MYH4: variants seen among roughly 807,000 people sequenced by gnomAD.
The protein encoded by MYH4 is myosin heavy chain 4.
A neutral mutation model predicts 229.9 loss-of-function variants in MYH4; 200 were observed. That is an observed-to-expected ratio of 0.87 (90% confidence interval 0.78 to 0.98). The LOEUF (loss-of-function observed/expected upper bound fraction) is 0.98. MYH4 is among the 50% of genes least tolerant of loss of function. The pLI is 0.00. For missense variants in MYH4, 2,148 were observed against 2,332.6 expected (o/e 0.92, Z 1.63); for synonymous variants, 761 against 834.6 (o/e 0.91, Z 1.52).
chr17:10,465,462 G>A lies in MYH4; in HGVS notation c.485C>T (p.Ala162Val). 1.9e-6 allele frequency: 3 copies of A among 1,613,968 alleles called. No homozygotes were observed. Among genetic ancestry groups the A allele is most frequent in the Non-Finnish European group, 2.5e-6 (3 of 1,180,018 alleles). The change falls in exon 5 of 40, where the codon GCC (alanine) becomes GTC (valine). Residue 162 changes from alanine (A) to valine (V), a missense_variant. Physicochemically the swap from Ala to Val is moderately conservative, Grantham distance 64 (BLOSUM62 0). Transcript: ENST00000255381. ...CTCACCAGTTAGCATGAACTGATAG[G>A]CATTGTCAGAGATGGAGAAGATATG... ...PPHIFSISDN[A>V]YQFMLTDREN...
chr17:10,459,805 A>T, intron 14 of MYH4, 147 bp downstream of exon 14: 1 of 1,445,068 alleles, frequency 6.9e-7, no homozygotes, highest in Non-Finnish European at 9.4e-7. Flanking sequence ...TCCTATTTAT[A>T]CCTATTTACT....
chr17:10,449,566 T>A (rs74760024), intron 30 of MYH4, among the ~76,000 whole-genome samples: 98 of 152,316 alleles, frequency 6.4e-4, no homozygotes, highest in African/African-American at 2.2e-3. Context: ...CAAGGAATGG[T>A]AGCATTGAGT....
chr17:10,446,662 G>T (rs2072515161), intron 35 of MYH4, among the ~76,000 whole-genome samples: 1 of 152,092 alleles, frequency 6.6e-6, no homozygotes, highest in Admixed American at 6.6e-5. Context: ...ATTATTTAGT[G>T]GCTTTTTGTT....
At chr17:10,448,821 A>G (rs1330299026) in intron 31 of MYH4, 38 bp from the exon 32 acceptor site, 1 of 1,612,860 alleles carries the variant, frequency 6.2e-7, no homozygotes, top group Admixed American at 1.7e-5. Flanking sequence ...GAAACCAAGA[A>G]TGATGTCAGT....
intron 19 of MYH4, 54 bp downstream of exon 19, chr17:10,455,560 T>C (rs2072629499): frequency 1.3e-6 from 2 of 1,594,494 alleles, no homozygotes; most frequent in Admixed American, 1.7e-5. Flanking sequence ...TGGAATTATA[T>C]AGTGATTTTG....
chr17:10,455,007 GT>G lies in MYH4; in HGVS notation c.2368del (p.Thr790ArgfsTer11), dbSNP rs1567702240. The G allele has an allele frequency of 1.2e-6, 2 of 1,614,040 alleles. No homozygotes were observed. The highest frequency in any genetic ancestry group is 1.7e-5 in the Admixed American group (1 of 60,006). The part of the protein sequence containing the change: ...MRDEKLAQLI[T>X]RTQAICRGFL... ...CCCTCTGCATATGGCTTGAGTGCGCGTGATGAGTTGAGCTAGCTTTTCATCT... is the reference window on the plus strand; with the variant it reads ...CCCTCTGCATATGGCTTGAGTGCGCGGATGAGTTGAGCTAGCTTTTCATCT... On this transcript the variant is annotated frameshift_variant, in exon 21 of 40. Coordinates refer to ENST00000255381, the MANE Select transcript of MYH4 (RefSeq NM_017533.2). LOFTEE classifies it high-confidence loss of function.
Position 10,463,410 on chromosome 17 carries a change from A to G in MYH4, c.742-9T>C. On this transcript the variant is annotated splice_polypyrimidine_tract_variant and intron_variant, in intron 8 of 39. Coordinates refer to ENST00000255381, the MANE Select transcript of MYH4 (RefSeq NM_017533.2). ...ATCCTGATGAATTTACCCTTAAAAAAGAAAAGGAGGGATTATTATACACAT... is the reference window on the plus strand; with the variant it reads ...ATCCTGATGAATTTACCCTTAAAAAGGAAAAGGAGGGATTATTATACACAT... 6.2e-7 allele frequency: 1 copy of G among 1,611,158 alleles called. No individual in the cohort carries two copies. Among genetic ancestry groups the G allele is most frequent in the Non-Finnish European group, 8.5e-7 (1 of 1,178,614 alleles).
chr17:10,464,713 A>C lies in MYH4; in HGVS notation c.506-5T>G. ...AGATTGACTGGTTTTCACGATCTGT[A>C]AAAGAGAAGCCAAAGATAATATTTA... is the stretch of plus-strand genomic sequence containing the variant. On this transcript the variant is annotated splice_polypyrimidine_tract_variant and splice_region_variant and intron_variant, in intron 5 of 39. Coordinates refer to ENST00000255381, the MANE Select transcript of MYH4 (RefSeq NM_017533.2). The C allele has an allele frequency of 1.9e-6, 3 of 1,612,866 alleles. No homozygotes were observed. Among genetic ancestry groups the C allele is most frequent in the Non-Finnish European group, 2.5e-6 (3 of 1,179,026 alleles).
chr17:10,451,352 T>G lies in MYH4; in HGVS notation c.3839A>C (p.Gln1280Pro). 6.2e-7 allele frequency: 1 copy of G among 1,614,098 alleles called. No individual in the cohort carries two copies. Among genetic ancestry groups the G allele is most frequent in the Non-Finnish European group, 8.5e-7 (1 of 1,179,996 alleles). Residue 1280 changes from glutamine (Q) to proline (P), a missense_variant, in exon 28 of 40, where the codon CAG (glutamine) becomes CCG (proline). Transcript: ENST00000255381. Reference sequence around the variant, plus strand: ...TGATTCTGTGTGTAAACGTGCCTTCTGGGCTGACAACTCATTTATTAAGCG... The same window carrying G: ...TGATTCTGTGTGTAAACGTGCCTTCGGGGCTGACAACTCATTTATTAAGCG... ...QQRLINELSA[Q>P]KARLHTESGE...
chr17:10,456,013 CA>C, intron 17 of MYH4, 112 bp from the exon 18 acceptor site: 1 of 1,311,084 alleles, frequency 7.6e-7, no homozygotes, highest in Middle Eastern at 1.9e-4. Context: ...CAAGGAAAAA[CA>C]AATTATCATA....
chr17:10,459,441 T>C lies in MYH4; in HGVS notation c.1417-20A>G, dbSNP rs2072677310. The C allele has an allele frequency of 6.2e-7, 1 of 1,614,054 alleles. No individual in the cohort carries two copies. The highest frequency in any genetic ancestry group is 1.7e-5 in the Admixed American group (1 of 59,996). The stretch of plus-strand genomic sequence containing the variant: ...GTTGAACTACAGAACAAGATAAATA[T>C]AGGAAATTACGCATAACAAGTATTC... On this transcript the variant is annotated intron_variant, in intron 14 of 39. Coordinates refer to ENST00000255381, the MANE Select transcript of MYH4 (RefSeq NM_017533.2).
chr17:10,448,244 G>T, intron 33 of MYH4, 118 bp from the exon 34 acceptor site: 1 of 1,279,996 alleles, frequency 7.8e-7, no homozygotes. Flanking sequence ...TCTTAATGTA[G>T]CCTATTAGCT....
At chr17:10,451,055 T>G (rs2072567237) in intron 28 of MYH4, among the ~76,000 whole-genome samples, 160 bp from the exon 29 acceptor site, 1 of 152,218 alleles carries the variant, frequency 6.6e-6, no homozygotes, top group Admixed American at 6.5e-5. Context: ...TTAAAAAATG[T>G]ATGAGTTTTC....
In MYH4 at chr17:10,457,534, C is replaced by A. The variant is rs571679462; in HGVS notation, c.1783G>T (p.Gly595Cys). The A allele has an allele frequency of 3.1e-6, 5 of 1,614,156 alleles. No individual in the cohort carries two copies. Among genetic ancestry groups the A allele is most frequent in the Non-Finnish European group, 4.2e-6 (5 of 1,180,030 alleles). Residue 595 changes from glycine (G) to cysteine (C), a missense_variant, in exon 16 of 40, where the codon GGC (glycine) becomes TGC (cysteine). Gly to Cys is a radical substitution (Grantham distance 159). Coordinates refer to ENST00000255381, the MANE Select transcript of MYH4 (RefSeq NM_017533.2). ...GGGTCCTTGTTTTTGTCCAGCCAGC[C>A]GGCGATGTTGTAGTCCACGGTGCCG... is the stretch of plus-strand genomic sequence containing the variant. ...YAGTVDYNIA[G>C]WLDKNKDPLN...
At chr17:10,460,148 G>A (rs867409409) in intron 13 of MYH4, 47 bp from the exon 14 acceptor site, 1 of 1,613,350 alleles carries the variant, frequency 6.2e-7, no homozygotes, top group South Asian at 1.1e-5. Context: ...AAACAGTGAT[G>A]AACTCCTGAG....
At chr17:10,444,572 G>A (rs1419992584) in intron 39 of MYH4, 32 bp downstream of exon 39, 3 of 1,580,392 alleles carry the variant, frequency 1.9e-6, no homozygotes, top group South Asian at 1.1e-5. Flanking sequence ...ATGTGCATCT[G>A]AACCTTTCAT....
At position 10,443,820 on chromosome 17, in the gene MYH4, G is replaced by A. The variant is rs1194228041; in HGVS notation, c.5668-293C>T. 6.6e-6 allele frequency among the ~76,000 whole-genome samples: 1 copy of A among 152,064 alleles called. No homozygotes were observed. Among genetic ancestry groups the A allele is most frequent in the East Asian group, 1.9e-4 (1 of 5,178 alleles). On this transcript the variant is annotated intron_variant, in intron 39 of 39. Transcript: ENST00000255381. The surrounding 1 kb of genome is among the most constrained non-coding windows in gnomAD (Gnocchi z 4.6). ...TCCAGCTACTCAGGAGGCTGAGGCA[G>A]GAGAATCTCTTGGACCCAGGAGGCA...
rs2072497108 is a variant in MYH4, at chr17:10,445,100, G to A, written c.5342C>T (p.Ala1781Val). Residue 1781 changes from alanine to valine, a missense_variant, in exon 37 of 40, where the codon GCC becomes GTC. Ala to Val is a moderately conservative substitution (Grantham distance 64). Coordinates refer to ENST00000255381, the MANE Select transcript of MYH4 (RefSeq NM_017533.2). ...EELKKEQDTS[A>V]HLERMKKNME... ...GTTCTTCTTCATCCGCTCCAGGTGGGCGCTGGTGTCCTGTTCCTTCTTCAG... is the reference window on the plus strand; with the variant it reads ...GTTCTTCTTCATCCGCTCCAGGTGGACGCTGGTGTCCTGTTCCTTCTTCAG... 5 of 1,614,130 alleles carry A rather than the reference G, an allele frequency of 3.1e-6. No homozygotes were observed. Among genetic ancestry groups the A allele is most frequent in the Non-Finnish European group, 4.2e-6 (5 of 1,180,024 alleles).
At chr17:10,449,912 A>T (rs183480721) in intron 30 of MYH4, among the ~76,000 whole-genome samples, 1 of 152,204 alleles carries the variant, frequency 6.6e-6, no homozygotes, top group Admixed American at 6.5e-5. Context: ...CACTAGGAGT[A>T]TAATGCTTTT....
Sources: allele counts gnomAD v4.1 joint callset (sites outside exome capture counted in the v4.1 genomes callset), GRCh38; gene constraint gnomAD v4.1.1; non-coding constraint Gnocchi (gnomAD v3.1); transcripts MANE v1.5; gene names NCBI Gene and HGNC (gene_info 2026-07-23, HGNC 2026-07-21).